Variants in CFAP74 observed in about 807,000 individuals in gnomAD.
The protein encoded by CFAP74 is cilia- and flagella-associated protein 74.
CFAP74 carries 124 observed loss-of-function variants against 188.9 expected under a neutral mutation model. The observed-to-expected ratio is 0.66, with a 90% CI of 0.57 to 0.76. CFAP74 has a LOEUF of 0.76. CFAP74 is among the 30% of genes least tolerant of loss of function. The probability of loss-of-function intolerance (pLI) is 0.00; values close to 1 mark genes in which losing one functional copy is unlikely to be tolerated. For synonymous variants in CFAP74, 956 were observed against 916.7 expected, an observed-to-expected ratio of 1.04 and a Z score of -0.77; for missense variants, 2,198 against 2,165.2, an observed-to-expected ratio of 1.02 and a Z score of -0.30.
rs888972858 is a variant in CFAP74 at position 1,939,129 on chromosome 1, AGTGT to A, written c.2878-145_2878-142del. On this transcript the variant is annotated intron_variant, in intron 24 of 38. Coordinates refer to ENST00000682832, the MANE Select transcript of CFAP74 (RefSeq NM_001304360.2). ...GAGGGTGAGAGTGTCGCTGTCAACG[AGTGT>A]GTGTCAGCAAGTGTGTGAGTGTGAG... 4.4e-5 allele frequency: 39 copies of A among 884,580 alleles called. No homozygotes were observed. The African/African-American group carries it at 5.6e-4, about 13-fold the overall frequency. 54.8% of individuals were successfully genotyped at this position (884,580 alleles called of 1,614,324 possible).
Position 1,939,796 on chromosome 1 carries a change from G to C in CFAP74, c.2704-29C>G, listed in dbSNP as rs1036927491. On this transcript the variant is annotated intron_variant, in intron 23 of 38. Coordinates refer to ENST00000682832, the MANE Select transcript of CFAP74 (RefSeq NM_001304360.2). Reference sequence around the variant, plus strand: ...AGACATAAAGGGCACAGGCGCCCTCGCAGCCACTCGGAGACTTACCAAGTG... The same window carrying C: ...AGACATAAAGGGCACAGGCGCCCTCCCAGCCACTCGGAGACTTACCAAGTG... 3.9e-6 allele frequency: 6 copies of C among 1,524,888 alleles called. No homozygotes were observed. In the African/African-American group the frequency reaches 4.1e-5, roughly 10 times the overall value. The allele number at this position is 1,524,888 out of a possible 1,614,324, so 94.5% of individuals were successfully genotyped here.
chr1:1,988,891 G>A lies in CFAP74; in HGVS notation c.150C>T (p.Ser50=), dbSNP rs1238269264. Residue 50 remains serine (S), a splice_region_variant and synonymous_variant, in exon 3 of 39, where the codon AGC becomes AGT. Transcript: ENST00000682832. ...CCACCCCCGATCCTCCGAGTTACCTGCTGTGTCCCGGGTCCACGTCATCCT... is the reference window on the plus strand; with the variant it reads ...CCACCCCCGATCCTCCGAGTTACCTACTGTGTCCCGGGTCCACGTCATCCT... ...EAEDDVDPGH[S]SSVKELDTDA... is the part of the protein sequence containing the mutation. The A allele has an allele frequency of 5.4e-6, 8 of 1,474,594 alleles. No individual in the cohort carries two copies. The highest frequency in any genetic ancestry group is 1.7e-4 in the Middle Eastern group (1 of 5,720). The allele number at this position is 1,474,594 out of a possible 1,614,324, so 91.3% of individuals were successfully genotyped here.
chr1:1,932,076 AAAACAAAAAAC>A (rs1570834885), intron 25 of CFAP74, among the ~76,000 whole-genome samples: 1 of 58,960 alleles, frequency 1.7e-5, no homozygotes, highest in Non-Finnish European at 4.9e-5. Context: ...CAAAAAAAAA[AAAACAAAAAAC>A]AAAAAACAAA....
chr1:1,982,483 A>C (rs1252348058), intron 6 of CFAP74, among the ~76,000 whole-genome samples: 8 of 152,244 alleles, frequency 5.3e-5, no homozygotes, highest in African/African-American at 1.4e-4. Context: ...CAGGAGCTCC[A>C]TCGGAGCACC....
At chr1:1,958,236 G>A (rs1570913372) in intron 16 of CFAP74, among the ~76,000 whole-genome samples, 1 of 152,250 alleles carries the variant, frequency 6.6e-6, no homozygotes, top group Non-Finnish European at 1.5e-5. Context: ...CCTGGGGTGG[G>A]GGACATAGCG....
intron 1 of CFAP74, among the ~76,000 whole-genome samples, chr1:2,002,037 C>A (rs536933147): frequency 2.6e-5 from 4 of 152,256 alleles, no homozygotes; most frequent in Middle Eastern, 3.4e-3. Context: ...ACTGGCAAAG[C>A]GTGTTTGACA....
chr1:1,980,777 G>A (rs140974339), intron 6 of CFAP74, among the ~76,000 whole-genome samples: 1 of 152,198 alleles, frequency 6.6e-6, no homozygotes, highest in East Asian at 1.9e-4. Flanking sequence ...CCTCCACGGG[G>A]TCTCTCTCGG....
intron 1 of CFAP74, among the ~76,000 whole-genome samples, chr1:1,995,868 A>C (rs946776404): frequency 6.6e-6 from 1 of 152,078 alleles, no homozygotes; most frequent in Non-Finnish European, 1.5e-5. Context: ...AGATTGCACC[A>C]CTGCACTCCA....
At position 1,972,020 on chromosome 1, in the gene CFAP74, TC is replaced by T; in HGVS notation, c.847del (p.Asp283MetfsTer6). The T allele has an allele frequency of 6.2e-7, 1 of 1,612,826 alleles. No individual in the cohort carries two copies. The highest frequency in any genetic ancestry group is 1.1e-5 in the South Asian group (1 of 91,090). Reference sequence around the variant, plus strand: ...GCTGCCCTTCAGCGCCACCACCGCATCCATGCGTCGCCTCATGTACTCGTGG... The same window carrying T: ...GCTGCCCTTCAGCGCCACCACCGCATCATGCGTCGCCTCATGTACTCGTGG... ...ECHEYMRRRM[D>X]AVVALKGSIS... is the part of the protein sequence containing the mutation. On this transcript the variant is annotated frameshift_variant, in exon 9 of 39. Transcript: ENST00000682832. LOFTEE classifies it high-confidence loss of function.
chr1:1,951,746 T>C (rs1654214805), intron 18 of CFAP74, among the ~76,000 whole-genome samples: 1 of 152,232 alleles, frequency 6.6e-6, no homozygotes, highest in Admixed American at 6.5e-5. Context: ...TTTAGTGAAG[T>C]GTTCCAATGG....
chr1:1,980,150 G>A (rs28393505), intron 6 of CFAP74, among the ~76,000 whole-genome samples: 7,601 of 64,626 alleles, frequency 0.12, 570 homozygotes, highest in East Asian at 0.18. Flanking sequence ...GCGTGGGGAG[G>A]ACGGGTGAAC....
At position 1,942,952 on chromosome 1, in the gene CFAP74, C is replaced by G. The variant is rs1349958725; in HGVS notation, c.2487-796G>C. On this transcript the variant is annotated intron_variant, in intron 21 of 38. Coordinates refer to ENST00000682832, the MANE Select transcript of CFAP74 (RefSeq NM_001304360.2). The surrounding 1 kb of genome is among the most constrained non-coding windows in gnomAD (Gnocchi z 4.3). ...TCATCTCCGTCCATCACAGACCTGCCTCTGACCTCTGACCACTACCCAGAG... is the reference window on the plus strand; with the variant it reads ...TCATCTCCGTCCATCACAGACCTGCGTCTGACCTCTGACCACTACCCAGAG... Among the ~76,000 whole-genome samples, 1 of 152,210 alleles carries G rather than the reference C, an allele frequency of 6.6e-6. No individual in the cohort carries two copies. The highest frequency in any genetic ancestry group is 1.5e-5 in the Non-Finnish European group (1 of 68,032).
At chr1:1,935,350 T>C (rs111509226) in intron 25 of CFAP74, among the ~76,000 whole-genome samples, 4 of 82,384 alleles carry the variant, frequency 4.9e-5, no homozygotes, top group African/African-American at 9.0e-5. Context: ...GGGTGTTAGG[T>C]TGTAGGTACA....
intron 15 of CFAP74, among the ~76,000 whole-genome samples, chr1:1,959,638 G>A (rs376972042): frequency 2.0e-5 from 3 of 152,072 alleles, no homozygotes; most frequent in African/African-American, 7.2e-5. Context: ...GCCCAGCTCG[G>A]GTGACCCCAG....
intron 6 of CFAP74, 103 bp from the exon 7 acceptor site, chr1:1,974,301 A>G (rs1570954559): frequency 8.4e-7 from 1 of 1,195,926 alleles, no homozygotes; most frequent in Non-Finnish European, 1.2e-6. Context: ...GATGTTGAAC[A>G]CCCCAGATGG....
At chr1:1,939,942 G>A (rs1365463596) in intron 23 of CFAP74, among the ~76,000 whole-genome samples, 175 bp from the exon 24 acceptor site, 1 of 152,228 alleles carries the variant, frequency 6.6e-6, no homozygotes, top group African/African-American at 2.4e-5. Flanking sequence ...CCCTGACATG[G>A]CGGGAGGAGC....
At chr1:1,993,049 A>G (rs1353891969) in intron 1 of CFAP74, among the ~76,000 whole-genome samples, 2 of 151,278 alleles carry the variant, frequency 1.3e-5, no homozygotes, top group Non-Finnish European at 2.9e-5. Context: ...AAAAATACAA[A>G]AACTAGCCAG....
At chr1:1,928,045 C>A in intron 27 of CFAP74, 1 of 433,666 alleles carries the variant, frequency 2.3e-6, no homozygotes, top group Non-Finnish European at 4.3e-6. Context: ...CTATCTTCAC[C>A]GCGGAAGGCC....
chr1:1,998,560 A>G (rs1658036003), intron 1 of CFAP74, among the ~76,000 whole-genome samples: 1 of 152,132 alleles, frequency 6.6e-6, no homozygotes, highest in Non-Finnish European at 1.5e-5. Context: ...TTCCATAATA[A>G]AAGTTTTTTC....
Sources: allele counts gnomAD v4.1 joint callset (sites outside exome capture counted in the v4.1 genomes callset), GRCh38; gene constraint gnomAD v4.1.1; non-coding constraint Gnocchi (gnomAD v3.1); transcripts MANE v1.5; gene names NCBI Gene and HGNC (gene_info 2026-07-23, HGNC 2026-07-21).